Variants in ADGRB3 observed in about 807,000 individuals in gnomAD.
ADGRB3 encodes the protein adhesion G protein-coupled receptor B3.
ADGRB3 carries 37 observed loss-of-function variants against 193.4 expected under a neutral mutation model. The observed-to-expected ratio is 0.19, with a 90% CI of 0.15 to 0.25. ADGRB3 has a LOEUF of 0.25. Ranked by LOEUF, ADGRB3 falls within the 10% of genes least tolerant of loss-of-function variation. ADGRB3 has a pLI of 1.00. For synonymous variants in ADGRB3, 690 were observed against 644.2 expected, an observed-to-expected ratio of 1.07 and a Z score of -1.08; for missense variants, 1,637 against 1,852.9, an observed-to-expected ratio of 0.88 and a Z score of 2.14.
At chr6:69,243,452 A>C (rs1325127063) in intron 20 of ADGRB3, among the ~76,000 whole-genome samples, 1 of 151,908 alleles carries the variant, frequency 6.6e-6, no homozygotes, top group Non-Finnish European at 1.5e-5. Flanking sequence ...AAATCCTCCT[A>C]ATCCAATGTC....
chr6:68,701,133 A>T (rs1022383377), intron 3 of ADGRB3, among the ~76,000 whole-genome samples: 1 of 149,492 alleles, frequency 6.7e-6, no homozygotes, highest in South Asian at 2.2e-4. Flanking sequence ...GCACTTCAAA[A>T]TGATTAGAAT....
At chr6:69,321,516 T>C (rs1487024637) in intron 20 of ADGRB3, among the ~76,000 whole-genome samples, 1 of 151,712 alleles carries the variant, frequency 6.6e-6, no homozygotes, top group East Asian at 1.9e-4. Context: ...ATAGTGATAA[T>C]TGAACAGTTG....
At chr6:68,704,537 T>C (rs1210738029) in intron 3 of ADGRB3, among the ~76,000 whole-genome samples, 1 of 152,172 alleles carries the variant, frequency 6.6e-6, no homozygotes, top group Non-Finnish European at 1.5e-5. Context: ...TCTGATATTT[T>C]CCCCTTCTGA....
intron 30 of ADGRB3, among the ~76,000 whole-genome samples, chr6:69,381,391 C>A (rs1272815100): frequency 4.6e-5 from 7 of 151,922 alleles, no homozygotes. Flanking sequence ...GATTCTCACA[C>A]AGCCAACTCC....
At chr6:69,078,174 A>G (rs1320684403) in intron 17 of ADGRB3, among the ~76,000 whole-genome samples, 2 of 152,030 alleles carry the variant, frequency 1.3e-5, no homozygotes, top group Admixed American at 1.3e-4. Flanking sequence ...ATAAAGTTCA[A>G]ATTAGAAGTT....
chr6:68,929,808 T>TC (rs1222789935), intron 3 of ADGRB3, among the ~76,000 whole-genome samples: 3 of 152,138 alleles, frequency 2.0e-5, no homozygotes, highest in African/African-American at 7.2e-5. Flanking sequence ...TTTTCTTTCT[T>TC]CCATTTGTTC....
At chr6:68,645,923 C>T (rs939500300) in intron 3 of ADGRB3, among the ~76,000 whole-genome samples, 3 of 151,930 alleles carry the variant, frequency 2.0e-5, no homozygotes, top group Admixed American at 6.5e-5. Flanking sequence ...ATCCACCTGC[C>T]TCGGCCTCCC....
At chr6:68,886,254 T>C (rs1765904051) in intron 3 of ADGRB3, among the ~76,000 whole-genome samples, 1 of 152,092 alleles carries the variant, frequency 6.6e-6, no homozygotes, top group South Asian at 2.1e-4. Context: ...ATTTAGTCAC[T>C]CTCATTAACC....
intron 4 of ADGRB3, among the ~76,000 whole-genome samples, chr6:68,932,406 A>T (rs1767364855): frequency 1.3e-5 from 2 of 152,122 alleles, no homozygotes; most frequent in Non-Finnish European, 2.9e-5. Flanking sequence ...CCTTTTGGTA[A>T]ATTCAAATTT....
intron 17 of ADGRB3, among the ~76,000 whole-genome samples, chr6:69,187,516 G>C (rs1028971827): frequency 6.6e-6 from 1 of 152,150 alleles, no homozygotes; most frequent in Admixed American, 6.5e-5. Context: ...TGTGACTTCT[G>C]TGATATTTAA....
intron 3 of ADGRB3, among the ~76,000 whole-genome samples, chr6:68,888,664 T>C (rs1765983015): frequency 6.6e-6 from 1 of 151,936 alleles, no homozygotes; most frequent in Admixed American, 6.6e-5. Flanking sequence ...AGATAATAAA[T>C]GCAATGAATA....
At chr6:68,964,237 T>C (rs1195075051) in intron 8 of ADGRB3, among the ~76,000 whole-genome samples, 1 of 152,174 alleles carries the variant, frequency 6.6e-6, no homozygotes, top group Non-Finnish European at 1.5e-5. Context: ...AATATATGTT[T>C]CTATAGCGAG....
At chr6:68,820,611 T>C (rs551896946) in intron 3 of ADGRB3, among the ~76,000 whole-genome samples, 2 of 152,148 alleles carry the variant, frequency 1.3e-5, no homozygotes, top group African/African-American at 4.8e-5. Context: ...TAAATATATT[T>C]TTGTAGCCAT....
chr6:68,739,644 G>C (rs557438188), intron 3 of ADGRB3, among the ~76,000 whole-genome samples: 1 of 152,146 alleles, frequency 6.6e-6, no homozygotes, highest in Non-Finnish European at 1.5e-5. Context: ...AGTGAGGATA[G>C]CAGGTGTTTA....
chr6:69,337,135 T>G (rs942196177), intron 24 of ADGRB3, among the ~76,000 whole-genome samples: 11 of 152,332 alleles, frequency 7.2e-5, no homozygotes, highest in African/African-American at 2.6e-4. Flanking sequence ...ACTTACACTA[T>G]GTACTTAAAA....
chr6:69,072,333 A>G lies in ADGRB3; in HGVS notation c.2437-3662A>G, dbSNP rs577342533. On this transcript the variant is annotated intron_variant, in intron 16 of 31. Transcript: ENST00000370598. ...TTTAAATTTTCATAACCACAAAAAG[A>G]AAGAGAAGCATGCAGCAGGATCTAA... Among the ~76,000 whole-genome samples, 9 of 152,322 alleles carry G rather than the reference A, an allele frequency of 5.9e-5. No individual in the cohort carries two copies. In the South Asian group the frequency reaches 1.9e-3, roughly 32 times the overall value.
intron 17 of ADGRB3, among the ~76,000 whole-genome samples, chr6:69,157,749 T>A (rs1164534872): frequency 1.3e-5 from 2 of 151,288 alleles, no homozygotes; most frequent in African/African-American, 2.4e-5. Context: ...TTCCCCTCCA[T>A]GATTTTGGAT....
Position 68,905,771 on chromosome 6 carries a change from A to G in ADGRB3, c.758-24788A>G, listed in dbSNP as rs568956578. 7.9e-5 allele frequency among the ~76,000 whole-genome samples: 12 copies of G among 152,246 alleles called. No homozygotes were observed. In the East Asian group the frequency reaches 1.5e-3, roughly 20 times the overall value. ...TGCAAATTAGGTTAAAAAGTTCCCA[A>G]ATATTCACTCTACTCTTCCCTCTAG... On this transcript the variant is annotated intron_variant, in intron 3 of 31. Transcript: ENST00000370598.
chr6:69,386,239 A>G (rs1746576358), intron 31 of ADGRB3, among the ~76,000 whole-genome samples: 1 of 152,160 alleles, frequency 6.6e-6, no homozygotes, highest in Admixed American at 6.6e-5. Context: ...TTTAGTTCAC[A>G]TATCCATAAC....
Sources: gnomAD v4.1 joint callset for allele counts (sites outside exome capture counted in the v4.1 genomes callset) on GRCh38, gnomAD v4.1.1 for gene constraint, MANE v1.5 for transcripts, NCBI Gene and HGNC (gene_info 2026-07-23, HGNC 2026-07-21) for gene names.